NALF2: variants seen among roughly 807,000 people sequenced by gnomAD.
NALF2 encodes the protein bB57D9.1 (TED protein).
A neutral mutation model predicts 24.8 loss-of-function variants in NALF2; 1 was observed. The ratio of observed to expected loss-of-function variants is 0.04; its 90% CI spans 0.01 to 0.19. NALF2 has a LOEUF of 0.19. Ranked by LOEUF, NALF2 falls within the 10% of genes least tolerant of loss-of-function variation. The probability of loss-of-function intolerance (pLI) is 1.00; values close to 1 mark genes in which losing one functional copy is unlikely to be tolerated. For synonymous variants in NALF2, 254 were observed against 189.8 expected (o/e 1.34, Z -2.78); for missense variants, 458 against 409.6 (o/e 1.12, Z -1.02).
chrX:69,511,831 C>G (rs141305442), intron 1 of NALF2, among the ~76,000 whole-genome samples: 3 of 112,133 alleles, frequency 2.7e-5, no homozygotes, highest in African/African-American at 9.7e-5. Context: ...TGCGAGGGTG[C>G]TTCTAAGCCA....
In NALF2 at chrX:69,504,344, C is replaced by A. The variant is rs918695331; in HGVS notation, c.-939C>A. ...CGGGGCACCAGTCCCGCTCCCTCCT[C>A]CTCTCCGTGCCTCTTTCTCCGCCCT... On this transcript the variant is annotated 5_prime_UTR_variant, in exon 1 of 3. Transcript: ENST00000252338. Among the ~76,000 whole-genome samples, 2 of 112,628 alleles carry A rather than the reference C, an allele frequency of 1.8e-5. No homozygotes were observed. Among genetic ancestry groups the A allele is most frequent in the East Asian group, 5.7e-4 (2 of 3,525 alleles).
intron 1 of NALF2, among the ~76,000 whole-genome samples, chrX:69,511,068 C>T (rs775851921): frequency 4.5e-5 from 5 of 110,210 alleles, no homozygotes; most frequent in African/African-American, 1.7e-4. Context: ...TATCACCCTA[C>T]GCTCTTCCTA....
In NALF2 at chrX:69,506,369, C is replaced by T. The variant is rs748355015; in HGVS notation, c.861+226C>T. Reference sequence around the variant, plus strand: ...CTTCTATTAATTCCGGGTTTGGGCACCTTAGGCCTGGGGCTTCCTGGCGCC... The same window carrying T: ...CTTCTATTAATTCCGGGTTTGGGCATCTTAGGCCTGGGGCTTCCTGGCGCC... On this transcript the variant is annotated intron_variant, in intron 1 of 2. Transcript: ENST00000252338. Among the ~76,000 whole-genome samples, 4 of 112,793 alleles carry T rather than the reference C, an allele frequency of 3.5e-5. No individual in the cohort carries two copies. The South Asian group carries it at 1.1e-3, about 31-fold the overall frequency.
At chrX:69,514,964 A>G (rs773153683) in intron 1 of NALF2, among the ~76,000 whole-genome samples, 61 of 112,205 alleles carry the variant, frequency 5.4e-4, no homozygotes, top group Non-Finnish European at 9.9e-4. Flanking sequence ...ATGTAATGTA[A>G]TTTATTTAAC....
chrX:69,513,812 A>G (rs1413292372), intron 1 of NALF2, among the ~76,000 whole-genome samples: 1 of 111,596 alleles, frequency 9.0e-6, no homozygotes, highest in Non-Finnish European at 1.9e-5. Flanking sequence ...AGTGGAATTA[A>G]GCACATTTGC....
intron 1 of NALF2, among the ~76,000 whole-genome samples, chrX:69,522,759 G>A (rs780261880): frequency 8.0e-5 from 9 of 111,853 alleles, no homozygotes; most frequent in African/African-American, 2.9e-4. Context: ...GCCCAGAGTC[G>A]GGACTAGGAG....
Position 69,529,093 on chromosome X carries a change from C to T in NALF2, c.962C>T (p.Thr321Ile), listed in dbSNP as rs1930852061. ...PCKQYCLEVQ[T>I]RCPFILPDNE... Reference sequence around the variant, plus strand: ...AAGCAATACTGCCTGGAGGTGCAGACCCGGTGCCCCTTTATACTCCCCGAC... The same window carrying T: ...AAGCAATACTGCCTGGAGGTGCAGATCCGGTGCCCCTTTATACTCCCCGAC... Residue 321 changes from threonine (T) to isoleucine (I), a missense_variant, in exon 2 of 3, where the codon ACC (threonine) becomes ATC (isoleucine). By Grantham distance (89) the Thr-to-Ile change is moderately conservative (BLOSUM62 -1). Transcript: ENST00000252338. 8.3e-7 allele frequency: 1 copy of T among 1,210,802 alleles called. No homozygotes were observed. Among genetic ancestry groups the T allele is most frequent in the Non-Finnish European group, 1.1e-6 (1 of 894,990 alleles).
In NALF2 at chrX:69,530,033, T is replaced by G; in HGVS notation, c.*77T>G. ...CCCAGGTTGGGGGGGAGGGGGCTCC[T>G]CCCATGGGAGGTGTAGGATAAGGTG... On this transcript the variant is annotated 3_prime_UTR_variant, in exon 3 of 3. Coordinates refer to ENST00000252338, the MANE Select transcript of NALF2 (RefSeq NM_015686.3). 4.6e-6 allele frequency: 3 copies of G among 646,721 alleles called. No individual in the cohort carries two copies. The highest frequency in any genetic ancestry group is 6.6e-6 in the Non-Finnish European group (3 of 452,793). The allele number at this position is 646,721 out of a possible 1,213,427, so 53.3% of individuals were successfully genotyped here.
intron 1 of NALF2, among the ~76,000 whole-genome samples, chrX:69,510,508 A>G (rs1055660049): frequency 1.1e-4 from 12 of 112,639 alleles, no homozygotes; most frequent in Admixed American, 1.0e-3. Flanking sequence ...CAGGAGCCCC[A>G]AGTTGGCCAG....
At chrX:69,515,786 A>G (rs762348790) in intron 1 of NALF2, among the ~76,000 whole-genome samples, 147 of 112,486 alleles carry the variant, frequency 1.3e-3, no homozygotes, top group Non-Finnish European at 2.2e-3. Context: ...TATTTGCACC[A>G]TAGAGCTGAA....
chrX:69,505,356 G>T lies in NALF2; in HGVS notation c.74G>T (p.Trp25Leu). 8.7e-7 allele frequency: 1 copy of T among 1,156,002 alleles called. No homozygotes were observed. The change falls in exon 1 of 3, where the codon TGG (tryptophan) becomes TTG (leucine). Residue 25 changes from tryptophan (W) to leucine (L), a missense_variant. Coordinates refer to ENST00000252338, the MANE Select transcript of NALF2 (RefSeq NM_015686.3). ...ACTATCTGCTGCTGCTGCTGCTGCT[G>T]GGCTCCCAGGCCGAGCGACAAACCT... ...ALTICCCCCC[W>L]APRPSDKPCA...
intron 2 of NALF2, 142 bp from the exon 3 acceptor site, chrX:69,529,425 CAGAA>C: frequency 9.9e-7 from 1 of 1,009,877 alleles, no homozygotes; most frequent in Non-Finnish European, 1.3e-6. Context: ...AAGAAGGGCT[CAGAA>C]AGGGCAAGTG....
At chrX:69,506,916 G>T (rs1930497401) in intron 1 of NALF2, among the ~76,000 whole-genome samples, 1 of 112,579 alleles carries the variant, frequency 8.9e-6, no homozygotes, top group Non-Finnish European at 1.9e-5. Context: ...TAGGTATCCA[G>T]AGGAGAGGTG....
chrX:69,507,923 C>G (rs925981890), intron 1 of NALF2, among the ~76,000 whole-genome samples: 1 of 111,313 alleles, frequency 9.0e-6, no homozygotes, highest in African/African-American at 3.3e-5. Context: ...TTGTAGTTGA[C>G]TCCGATTTCT....
chrX:69,510,319 C>T (rs986113736), intron 1 of NALF2, among the ~76,000 whole-genome samples: 2 of 112,244 alleles, frequency 1.8e-5, no homozygotes, highest in Non-Finnish European at 3.8e-5. Context: ...CAGCGCCTTG[C>T]CTTCTGCCCG....
At chrX:69,518,511 A>C (rs186201534) in intron 1 of NALF2, among the ~76,000 whole-genome samples, 1 of 109,886 alleles carries the variant, frequency 9.1e-6, no homozygotes, top group Admixed American at 9.6e-5. Flanking sequence ...GTTTCTTCTG[A>C]TATTTACCTC....
rs922816621 is a variant in NALF2 at position 69,527,009 on chromosome X, T to C, written c.862-1984T>C. Among the ~76,000 whole-genome samples, 3 of 111,779 alleles carry C rather than the reference T, an allele frequency of 2.7e-5. No homozygotes were observed. The South Asian group carries it at 1.1e-3, about 43-fold the overall frequency. ...TCTTCCTCCTGTGTGGACAGTGGAT[T>C]GGAAAGAGCAAGGGTGCAGGTGGAG... On this transcript the variant is annotated intron_variant, in intron 1 of 2. Transcript: ENST00000252338.
Position 69,505,684 on chromosome X carries a change from C to T in NALF2, c.402C>T (p.Cys134=), listed in dbSNP as rs1222682061. 6 of 1,206,151 alleles carry T rather than the reference C, an allele frequency of 5.0e-6. No homozygotes were observed. Among genetic ancestry groups the T allele is most frequent in the East Asian group, 3.0e-5 (1 of 33,587 alleles). The change falls in exon 1 of 3, where the codon TGC becomes TGT. Residue 134 remains cysteine, a synonymous_variant. Transcript: ENST00000252338. ...AAPAAGSRPV[C]GGVPEPTGLD... ...CCGCCGCCGGCTCTCGGCCGGTCTG[C>T]GGCGGCGTCCCAGAGCCCACGGGGC...
At chrX:69,509,221 C>G (rs1930543800) in intron 1 of NALF2, among the ~76,000 whole-genome samples, 1 of 111,232 alleles carries the variant, frequency 9.0e-6, no homozygotes, top group Non-Finnish European at 1.9e-5. Context: ...TGCCTCACCT[C>G]TCTCTTAGCT....
Sources: allele counts gnomAD v4.1 joint callset (sites outside exome capture counted in the v4.1 genomes callset), GRCh38; gene constraint gnomAD v4.1.1; transcripts MANE v1.5; gene names NCBI Gene and HGNC (gene_info 2026-07-23, HGNC 2026-07-21).